Variants in VPS13C observed in about 807,000 individuals in gnomAD.
VPS13C encodes vacuolar protein sorting 13 homolog C, also known as intermembrane lipid transfer protein VPS13C.
A neutral mutation model predicts 456.8 loss-of-function variants in VPS13C; 358 were observed. The ratio of observed to expected loss-of-function variants is 0.78; its 90% CI spans 0.72 to 0.86. The LOEUF is 0.86. VPS13C is among the 40% of genes least tolerant of loss of function. VPS13C has a pLI of 0.00. For missense variants in VPS13C, 4,818 were observed against 4,385.4 expected, an observed-to-expected ratio of 1.10 and a Z score of -2.79; for synonymous variants, 1,578 against 1,486.7, an observed-to-expected ratio of 1.06 and a Z score of -1.41.
intron 61 of VPS13C, among the ~76,000 whole-genome samples, chr15:61,914,825 T>G (rs1596325306): frequency 1.5e-5 from 2 of 134,184 alleles, no homozygotes; most frequent in East Asian, 4.5e-4. Flanking sequence ...CCTCGCAAAG[T>G]GCTGGCTGGG....
At chr15:62,042,732 G>T (rs74790699) in intron 2 of VPS13C, among the ~76,000 whole-genome samples, 1,667 of 151,968 alleles carry the variant, frequency 0.011, 41 homozygotes, top group African/African-American at 0.039. Flanking sequence ...CATCAATTTG[G>T]TTTAACTGGG....
chr15:61,941,875 G>T lies in VPS13C; in HGVS notation c.5341C>A (p.Leu1781Met). 6.2e-7 allele frequency: 1 copy of T among 1,613,976 alleles called. No homozygotes were observed. Among genetic ancestry groups the T allele is most frequent in the Admixed American group, 1.7e-5 (1 of 60,020 alleles). The part of the protein sequence containing the change: ...SVSPNAVIAD[L>M]GLIRVENKFS... The stretch of plus-strand genomic sequence containing the variant: ...TTGTTTTCAACTCTGATTAAACCCA[G>T]ATCTGCTATAACAGCATTAGGTGAT... The change falls in exon 46 of 85, where the codon CTG becomes ATG. Residue 1781 changes from leucine (L) to methionine (M), a missense_variant. Leu to Met is a conservative substitution (Grantham distance 15). This residue lies in a region of VPS13C where 4,552 missense variants were observed against 4,130.6 expected (regional missense o/e 1.10). Coordinates refer to ENST00000644861, the MANE Select transcript of VPS13C (RefSeq NM_020821.3).
At position 61,920,140 on chromosome 15, in the gene VPS13C, G is replaced by A. The variant is rs1410770552; in HGVS notation, c.7404C>T (p.Ser2468=). The change falls in exon 57 of 85, where the codon AGC becomes AGT. Residue 2468 remains serine, a synonymous_variant. Coordinates refer to ENST00000644861, the MANE Select transcript of VPS13C (RefSeq NM_020821.3). ...GGTTCCCTTGACTTGAAGGTACCAT[G>A]CTGGCATACTCCAGTTCCAAATTCT... The part of the protein sequence containing the change: ...AGQNLELEYA[S]MVPSSQGNLS... The A allele has an allele frequency of 5.0e-6, 8 of 1,613,522 alleles. No individual in the cohort carries two copies. Among genetic ancestry groups the A allele is most frequent in the Non-Finnish European group, 6.8e-6 (8 of 1,179,626 alleles).
chr15:61,959,984 G>C (rs922257008), intron 35 of VPS13C, among the ~76,000 whole-genome samples: 1 of 152,076 alleles, frequency 6.6e-6, no homozygotes, highest in East Asian at 1.9e-4. Context: ...ATTTTCCAAG[G>C]CATTTCATAA....
chr15:62,038,462 C>T (rs1008729658), intron 3 of VPS13C, among the ~76,000 whole-genome samples: 1 of 152,018 alleles, frequency 6.6e-6, no homozygotes, highest in African/African-American at 2.4e-5. Flanking sequence ...GGTGACACAC[C>T]CGTCGTTTCA....
Position 62,028,346 on chromosome 15 carries a change from A to T in VPS13C, c.448+12T>A. 3 of 1,612,654 alleles carry T rather than the reference A, an allele frequency of 1.9e-6. No individual in the cohort carries two copies. Among genetic ancestry groups the T allele is most frequent in the Non-Finnish European group, 2.5e-6 (3 of 1,179,004 alleles). ...TTTATATAGTTGAATATAATTAACC[A>T]TGCATACCCACCAGGCTTGATGTCC... On this transcript the variant is annotated intron_variant, in intron 6 of 84. Coordinates refer to ENST00000644861, the MANE Select transcript of VPS13C (RefSeq NM_020821.3).
intron 41 of VPS13C, among the ~76,000 whole-genome samples, 162 bp from the exon 42 acceptor site, chr15:61,949,767 C>A (rs1290558289): frequency 6.6e-6 from 1 of 152,054 alleles, no homozygotes; most frequent in East Asian, 1.9e-4. Flanking sequence ...AAATGTCAAT[C>A]CTTGCCAGAT....
At chr15:62,000,772 A>G in intron 15 of VPS13C, 146 bp from the exon 16 acceptor site, 1 of 554,744 alleles carries the variant, frequency 1.8e-6, no homozygotes, top group Non-Finnish European at 2.9e-6. Flanking sequence ...TGTATTCTAG[A>G]CTTTTAAATT....
At chr15:61,864,551 G>A in intron 81 of VPS13C, 2 of 909,940 alleles carry the variant, frequency 2.2e-6, no homozygotes, top group Non-Finnish European at 2.6e-6. Context: ...TTATTAAAAG[G>A]ATAATATAAT....
intron 36 of VPS13C, 124 bp from the exon 37 acceptor site, chr15:61,958,840 C>T (rs957746003): frequency 4.0e-6 from 2 of 497,112 alleles, no homozygotes; most frequent in Non-Finnish European, 6.9e-6. Context: ...TGAAAAGTTA[C>T]ATACAATCAC....
intron 61 of VPS13C, among the ~76,000 whole-genome samples, chr15:61,914,309 C>T (rs750358814): frequency 4.6e-5 from 7 of 152,036 alleles, no homozygotes; most frequent in Non-Finnish European, 8.8e-5. Context: ...TGGCTCACAC[C>T]TGTAATCCCA....
At chr15:61,878,893 G>A in intron 73 of VPS13C, 147 bp from the exon 74 acceptor site, 4 of 772,332 alleles carry the variant, frequency 5.2e-6, no homozygotes, top group Non-Finnish European at 7.8e-6. Context: ...CATTATAGCA[G>A]AACAACCCAC....
chr15:62,033,633 G>A (rs372418753), intron 4 of VPS13C, 91 bp from the exon 5 acceptor site: 51 of 714,870 alleles, frequency 7.1e-5, no homozygotes, highest in Middle Eastern at 7.3e-4. Flanking sequence ...TTGTGTAAGT[G>A]TATAATCCTT....
intron 60 of VPS13C, 115 bp downstream of exon 60, chr15:61,917,226 T>TA: frequency 9.2e-7 from 1 of 1,086,050 alleles, no homozygotes; most frequent in Non-Finnish European, 1.3e-6. Flanking sequence ...TATGAAGGCA[T>TA]TACACATTAC....
chr15:61,875,772 A>T lies in VPS13C; in HGVS notation c.10298T>A (p.Leu3433Gln). The change falls in exon 76 of 85, where the codon CTG becomes CAG. Residue 3433 changes from leucine (L) to glutamine (Q), a missense_variant. By Grantham distance (113) the Leu-to-Gln change is moderately radical. Around this residue, in one of 3 missense-constraint regions of VPS13C, gnomAD observed 4,552 missense variants for 4,130.6 expected, o/e 1.10. Coordinates refer to ENST00000644861, the MANE Select transcript of VPS13C (RefSeq NM_020821.3). ...GAATAAAGCTTCAACTCCTTCAGAC[A>T]GACCTCTAATTAATCCAAATGGGTT... ...LGNPFGLIRG[L>Q]SEGVEALFYE... is the part of the protein sequence containing the mutation. 6.2e-7 allele frequency: 1 copy of T among 1,610,680 alleles called. No homozygotes were observed. The highest frequency in any genetic ancestry group is 8.5e-7 in the Non-Finnish European group (1 of 1,178,574).
At chr15:61,898,695 G>A (rs1400218463) in intron 66 of VPS13C, among the ~76,000 whole-genome samples, 4 of 122,554 alleles carry the variant, frequency 3.3e-5, no homozygotes, top group South Asian at 3.1e-4. Flanking sequence ...ACAGATCAAC[G>A]AGACAGAAAG....
Position 62,044,198 on chromosome 15 carries a change from TA to T in VPS13C, c.144+13del, listed in dbSNP as rs753221067. On this transcript the variant is annotated intron_variant, in intron 2 of 84. Coordinates refer to ENST00000644861, the MANE Select transcript of VPS13C (RefSeq NM_020821.3). ...AATTAAGTGAGTTATTAGCATAGTT[TA>T]AAAAAAACTTACCAGGGCATTTTCT... The T allele has an allele frequency of 3.4e-5, 50 of 1,472,678 alleles. No individual in the cohort carries two copies. The highest frequency in any genetic ancestry group is 1.7e-4 in the Admixed American group (9 of 52,146). 91.2% of individuals were successfully genotyped at this position (1,472,678 alleles called of 1,614,324 possible).
chr15:61,983,368 G>GC, intron 20 of VPS13C, among the ~76,000 whole-genome samples: 1 of 152,264 alleles, frequency 6.6e-6, no homozygotes, highest in South Asian at 2.1e-4. Context: ...CAGAACCTGA[G>GC]CCAGAACTTC....
chr15:61,898,303 C>G (rs1202367737), intron 66 of VPS13C, among the ~76,000 whole-genome samples: 1 of 152,004 alleles, frequency 6.6e-6, no homozygotes, highest in South Asian at 2.1e-4. Context: ...AAGACACAGA[C>G]TGGCAAATTG....
Sources: allele counts gnomAD v4.1 joint callset (sites outside exome capture counted in the v4.1 genomes callset), GRCh38; gene constraint gnomAD v4.1.1; regional missense constraint gnomAD v4.1.1; transcripts MANE v1.5; gene names NCBI Gene and HGNC (gene_info 2026-07-23, HGNC 2026-07-21).